BDKRB1: variants seen among roughly 807,000 people sequenced by gnomAD.
BDKRB1 encodes B1 bradykinin receptor.
For synonymous variants in BDKRB1, 192 were observed against 189.1 expected (o/e 1.02, Z -0.13); for missense variants, 414 against 441.4 (o/e 0.94, Z 0.56).
Position 96,264,139 on chromosome 14 carries a change from C to G in BDKRB1, c.457C>G (p.Gln153Glu). 6.3e-7 allele frequency: 1 copy of G among 1,595,650 alleles called. No individual in the cohort carries two copies. The highest frequency in any genetic ancestry group is 1.7e-4 in the Middle Eastern group (1 of 5,950). The change falls in exon 3 of 3, where the codon CAG (glutamine) becomes GAG (glutamate). Residue 153 changes from glutamine (Q) to glutamate (E), a missense_variant. By Grantham distance (29) the Gln-to-Glu change is conservative. Transcript: ENST00000216629. ...MASRRQQRRR[Q>E]ARVTCVLIWV... ...CAGCCGGAGGCAGCAGCGGCGGAGG[C>G]AGGCCCGGGTCACCTGCGTGCTCAT...
intron 1 of BDKRB1, among the ~76,000 whole-genome samples, chr14:96,261,197 T>G (rs1459073046): frequency 6.6e-6 from 1 of 152,182 alleles, no homozygotes; most frequent in Non-Finnish European, 1.5e-5. Context: ...GCCCTGCTAC[T>G]CTCCCCAGCT....
At chr14:96,258,069 A>G (rs747012327) in intron 1 of BDKRB1, among the ~76,000 whole-genome samples, 1 of 152,230 alleles carries the variant, frequency 6.6e-6, no homozygotes, top group Non-Finnish European at 1.5e-5. Context: ...TGATGGTGTT[A>G]TAAAGTAGTT....
intron 1 of BDKRB1, among the ~76,000 whole-genome samples, chr14:96,261,079 G>T (rs1885738251): frequency 6.6e-6 from 1 of 151,866 alleles, no homozygotes; most frequent in Non-Finnish European, 1.5e-5. Context: ...AAAAACCTTG[G>T]CATTGTCCGA....
intron 1 of BDKRB1, chr14:96,260,030 T>G (rs1177711476): frequency 6.6e-6 from 1 of 151,848 alleles, no homozygotes; most frequent in African/African-American, 2.4e-5. Context: ...GTGCAATTTT[T>G]TTTTTTTTTT....
At chr14:96,260,961 A>G (rs1595274906) in intron 1 of BDKRB1, among the ~76,000 whole-genome samples, 1 of 152,208 alleles carries the variant, frequency 6.6e-6, no homozygotes, top group Admixed American at 6.5e-5. Flanking sequence ...ACAATTCCAA[A>G]GTTGAACTCC....
intron 1 of BDKRB1, among the ~76,000 whole-genome samples, chr14:96,258,439 T>C (rs1294292677): frequency 2.6e-5 from 4 of 152,216 alleles, no homozygotes; most frequent in Admixed American, 2.6e-4. Context: ...CCTGTGCAGG[T>C]TCTGAGTGAT....
At chr14:96,261,776 T>TCGA (rs1326869517) in intron 1 of BDKRB1, among the ~76,000 whole-genome samples, 2 of 152,260 alleles carry the variant, frequency 1.3e-5, no homozygotes, top group Non-Finnish European at 1.5e-5. Flanking sequence ...CTGAAGATTG[T>TCGA]CTGGAGCCGC....
In BDKRB1 at chr14:96,260,162, T is replaced by C. The variant is rs868202115; in HGVS notation, c.-129-2490T>C. ...CCTCAGCCTCCCAAGTAGCTGGAATTACAGGCACCTGCCATCACACCCAGC... is the reference window on the plus strand; with the variant it reads ...CCTCAGCCTCCCAAGTAGCTGGAATCACAGGCACCTGCCATCACACCCAGC... On this transcript the variant is annotated intron_variant, in intron 1 of 2. Coordinates refer to ENST00000216629, the MANE Select transcript of BDKRB1 (RefSeq NM_000710.4). 5.9e-5 allele frequency among the ~76,000 whole-genome samples: 9 copies of C among 152,186 alleles called. No individual in the cohort carries two copies. The Middle Eastern group carries it at 0.01, about 173-fold the overall frequency.
Position 96,264,337 on chromosome 14 carries a change from G to A in BDKRB1, c.655G>A (p.Val219Ile), listed in dbSNP as rs757505732. 31 of 1,614,086 alleles carry A rather than the reference G, an allele frequency of 1.9e-5. No homozygotes were observed. Among genetic ancestry groups the A allele is most frequent in the Admixed American group, 3.3e-5 (2 of 60,008 alleles). The change falls in exon 3 of 3, where the codon GTC becomes ATC. Residue 219 changes from valine (V) to isoleucine (I), a missense_variant. Coordinates refer to ENST00000216629, the MANE Select transcript of BDKRB1 (RefSeq NM_000710.4). The stretch of plus-strand genomic sequence containing the variant: ...TTTCCTCCTACCACTGGCTGCGATC[G>A]TCTTCTTCAACTACCACATCCTGGC... ...LGFLLPLAAI[V>I]FFNYHILASL... is the part of the protein sequence containing the mutation.
chr14:96,264,278 AC>A lies in BDKRB1; in HGVS notation c.597del (p.Phe200LeufsTer7), dbSNP rs868023682. The A allele has an allele frequency of 3.1e-6, 5 of 1,614,040 alleles. No homozygotes were observed. In the African/African-American group the frequency reaches 6.7e-5, roughly 22 times the overall value. Reference sequence around the variant, plus strand: ...CTGCTCCTCCCCCATGAGGCCTGGCACTTTGCAAGGATTGTGGAGTTAAATA... The same window carrying A: ...CTGCTCCTCCCCCATGAGGCCTGGCATTTGCAAGGATTGTGGAGTTAAATA... Reference protein sequence around the residue: ...CILLLPHEAWHFARIVELNIL... With the variant: ...CILLLPHEAWXFARIVELNIL... On this transcript the variant is annotated frameshift_variant, in exon 3 of 3. Coordinates refer to ENST00000216629, the MANE Select transcript of BDKRB1 (RefSeq NM_000710.4). LOFTEE classifies it low-confidence loss of function (END_TRUNC).
chr14:96,261,469 G>A (rs117798793), intron 1 of BDKRB1, among the ~76,000 whole-genome samples: 1 of 152,322 alleles, frequency 6.6e-6, no homozygotes, highest in Non-Finnish European at 1.5e-5. Flanking sequence ...AGCTAGAAGG[G>A]CCTCTTGAGG....
intron 1 of BDKRB1, among the ~76,000 whole-genome samples, chr14:96,259,247 G>C (rs2139812637): frequency 6.6e-6 from 1 of 152,128 alleles, no homozygotes; most frequent in African/African-American, 2.4e-5. Context: ...TTAATACACT[G>C]TTTAATAACA....
At chr14:96,258,416 T>C (rs112044194) in intron 1 of BDKRB1, among the ~76,000 whole-genome samples, 1,906 of 152,332 alleles carry the variant, frequency 0.013, 21 homozygotes, top group Admixed American at 0.034. Flanking sequence ...CATAATATAT[T>C]GAGAAAATGT....
At chr14:96,256,971 T>C (rs960767357) in intron 1 of BDKRB1, among the ~76,000 whole-genome samples, 13 of 152,242 alleles carry the variant, frequency 8.5e-5, no homozygotes, top group African/African-American at 3.1e-4. Context: ...CCTTCTGAGT[T>C]CTTCAAATAG....
chr14:96,260,478 C>T (rs1290121404), intron 1 of BDKRB1, among the ~76,000 whole-genome samples: 1 of 152,224 alleles, frequency 6.6e-6, no homozygotes, highest in African/African-American at 2.4e-5. Flanking sequence ...CCTTGAGCAA[C>T]AGAAGTGCAG....
intron 1 of BDKRB1, among the ~76,000 whole-genome samples, chr14:96,258,567 T>C (rs1359007568): frequency 6.6e-6 from 1 of 152,208 alleles, no homozygotes; most frequent in African/African-American, 2.4e-5. Context: ...GTGCCTTAGT[T>C]TGGAATGTAG....
rs1473484085 is a variant in BDKRB1 at position 96,262,774 on chromosome 14, T to C, written c.-11+4T>C. 2.5e-6 allele frequency: 1 copy of C among 403,516 alleles called. No individual in the cohort carries two copies. The highest frequency in any genetic ancestry group is 2.1e-5 in the African/African-American group (1 of 47,130). The allele number at this position is 403,516 out of a possible 1,614,324, so 25.0% of individuals were successfully genotyped here. On this transcript the variant is annotated splice_donor_region_variant and intron_variant, in intron 2 of 2. Coordinates refer to ENST00000216629, the MANE Select transcript of BDKRB1 (RefSeq NM_000710.4). ...TCTCGAGTTGCTGGGACCACAGGTATGCACCACCATGCCCAGCTAATTTTT... is the reference window on the plus strand; with the variant it reads ...TCTCGAGTTGCTGGGACCACAGGTACGCACCACCATGCCCAGCTAATTTTT...
chr14:96,260,193 T>A (rs906181453), intron 1 of BDKRB1, among the ~76,000 whole-genome samples: 1 of 152,160 alleles, frequency 6.6e-6, no homozygotes, highest in Non-Finnish European at 1.5e-5. Context: ...CCAGCTAGTT[T>A]TTGTATTTTT....
At chr14:96,261,701 T>C (rs1191097183) in intron 1 of BDKRB1, among the ~76,000 whole-genome samples, 3 of 152,194 alleles carry the variant, frequency 2.0e-5, no homozygotes, top group African/African-American at 7.2e-5. Context: ...TTACAATAAG[T>C]CAGGAACCCT....
Sources: gnomAD v4.1 joint callset for allele counts (sites outside exome capture counted in the v4.1 genomes callset) on GRCh38, gnomAD v4.1.1 for gene constraint, MANE v1.5 for transcripts, NCBI Gene and HGNC (gene_info 2026-07-23, HGNC 2026-07-21) for gene names.